The following ANKRD30A variants were observed in gnomAD, a reference collection of about 807,000 sequenced individuals.
ANKRD30A encodes ankyrin repeat domain 30A.
A neutral mutation model predicts 166.3 loss-of-function variants in ANKRD30A; 170 were observed. The ratio of observed to expected loss-of-function variants is 1.02; its 90% CI spans 0.90 to 1.16. ANKRD30A has a LOEUF of 1.16. Ranked by LOEUF, ANKRD30A falls within the 50% of genes most tolerant of loss-of-function variation. The probability of loss-of-function intolerance (pLI) is 0.00; values close to 1 mark genes in which losing one functional copy is unlikely to be tolerated. For synonymous variants in ANKRD30A, 564 were observed against 508.9 expected, an observed-to-expected ratio of 1.11 and a Z score of -1.46; for missense variants, 1,630 against 1,518.0, an observed-to-expected ratio of 1.07 and a Z score of -1.23.
intron 34 of ANKRD30A, among the ~76,000 whole-genome samples, chr10:37,229,170 T>C (rs1056462659): frequency 4.6e-5 from 7 of 151,988 alleles, no homozygotes; most frequent in Admixed American, 4.6e-4. Flanking sequence ...AAATGGAATA[T>C]GGTAAGAGGT....
chr10:37,147,863 TATAAA>T (rs958716066), intron 9 of ANKRD30A, among the ~76,000 whole-genome samples: 3 of 152,184 alleles, frequency 2.0e-5, no homozygotes, highest in African/African-American at 7.2e-5. Flanking sequence ...ATGGCAAGAA[TATAAA>T]ATGATCTTCC....
chr10:37,194,204 T>A (rs968304321), intron 27 of ANKRD30A, among the ~76,000 whole-genome samples: 2 of 151,938 alleles, frequency 1.3e-5, no homozygotes, highest in African/African-American at 4.8e-5. Context: ...AGCAAAGAAA[T>A]AAAAACACAA....
the ANKRD30A span, among the ~76,000 whole-genome samples, chr10:37,244,488 A>G: frequency 1.3e-5 from 2 of 152,234 alleles, no homozygotes; most frequent in Non-Finnish European, 2.9e-5. Context: ...TCCATGTTAG[A>G]ATGAAATGGC....
chr10:37,198,345 A>T (rs1258791544), intron 29 of ANKRD30A, among the ~76,000 whole-genome samples: 3 of 152,120 alleles, frequency 2.0e-5, no homozygotes, highest in South Asian at 2.1e-4. Flanking sequence ...GGACACAGTT[A>T]ACTGTGTTTT....
intron 7 of ANKRD30A, among the ~76,000 whole-genome samples, chr10:37,142,633 G>A (rs1193523894): frequency 7.5e-6 from 1 of 133,458 alleles, no homozygotes; most frequent in Non-Finnish European, 1.5e-5. Context: ...CCCCTGGGCT[G>A]GAGTGCAATG....
intron 11 of ANKRD30A, 94 bp downstream of exon 11, chr10:37,149,943 T>G: frequency 2.0e-6 from 3 of 1,521,604 alleles, no homozygotes. Flanking sequence ...TTTTTCAACT[T>G]TGATGAAAAC....
chr10:37,151,124 G>T (rs559308356), intron 11 of ANKRD30A, among the ~76,000 whole-genome samples: 41 of 151,744 alleles, frequency 2.7e-4, no homozygotes, highest in Middle Eastern at 3.4e-3. Context: ...TGTCAAATGA[G>T]AAACGTATGC....
At chr10:37,224,459 TAC>T (rs199996652) in intron 34 of ANKRD30A, among the ~76,000 whole-genome samples, 22 of 149,822 alleles carry the variant, frequency 1.5e-4, no homozygotes, top group South Asian at 6.3e-4. Flanking sequence ...TTGTTTTTGA[TAC>T]ACACACACAC....
chr10:37,215,039 G>A (rs1842533442), intron 31 of ANKRD30A, among the ~76,000 whole-genome samples: 1 of 151,484 alleles, frequency 6.6e-6, no homozygotes, highest in Non-Finnish European at 1.5e-5. Context: ...CTCCGGCATT[G>A]TAACTTGTAT....
At chr10:37,137,928 T>C (rs1440272319) in intron 6 of ANKRD30A, among the ~76,000 whole-genome samples, 1 of 152,130 alleles carries the variant, frequency 6.6e-6, no homozygotes, top group Non-Finnish European at 1.5e-5. Flanking sequence ...ACAGACTGCC[T>C]CCTCAAGTGG....
At chr10:37,157,396 C>G (rs532753897) in intron 13 of ANKRD30A, among the ~76,000 whole-genome samples, 1 of 152,248 alleles carries the variant, frequency 6.6e-6, no homozygotes, top group Non-Finnish European at 1.5e-5. Context: ...GATGTTTTCT[C>G]GCTCTGTCAT....
chr10:37,152,130 T>A lies in ANKRD30A; in HGVS notation c.1707+9T>A. 6.3e-7 allele frequency: 1 copy of A among 1,595,378 alleles called. No homozygotes were observed. Among genetic ancestry groups the A allele is most frequent in the African/African-American group, 1.3e-5 (1 of 74,458 alleles). On this transcript the variant is annotated intron_variant, in intron 12 of 35. Transcript: ENST00000361713. Reference sequence around the variant, plus strand: ...ATTCTTGGGATTCTGAGGTACTATGTGTTATTGATTTTTTTTTAATATTAG... The same window carrying A: ...ATTCTTGGGATTCTGAGGTACTATGAGTTATTGATTTTTTTTTAATATTAG...
intron 15 of ANKRD30A, 95 bp downstream of exon 15, chr10:37,158,681 C>A (rs1286119152): frequency 1.3e-6 from 2 of 1,522,118 alleles, no homozygotes; most frequent in African/African-American, 1.4e-5. Context: ...GTTTTCTATT[C>A]AAAATTTGAT....
At chr10:37,190,006 A>G (rs1588881365) in intron 25 of ANKRD30A, among the ~76,000 whole-genome samples, 3 of 152,040 alleles carry the variant, frequency 2.0e-5, no homozygotes, top group East Asian at 3.9e-4. Context: ...CCAGAGAATT[A>G]CAGCAAAAAT....
chr10:37,151,933 C>T (rs186358541), intron 11 of ANKRD30A, 127 bp from the exon 12 acceptor site: 1 of 780,880 alleles, frequency 1.3e-6, no homozygotes, highest in South Asian at 2.1e-5. Flanking sequence ...TTGTAATCGA[C>T]AAAAAGAATA....
the ANKRD30A span, chr10:37,264,471 C>G: frequency 9.3e-6 from 2 of 214,758 alleles, no homozygotes; most frequent in Non-Finnish European, 1.9e-5. Flanking sequence ...GGGTGGAGTT[C>G]GGGTGAATCT....
intron 34 of ANKRD30A, among the ~76,000 whole-genome samples, chr10:37,225,280 TGAGA>T (rs1262777245): frequency 1.3e-5 from 2 of 151,698 alleles, no homozygotes; most frequent in East Asian, 3.9e-4. Context: ...TCGAAACCAA[TGAGA>T]GAGGGTCATA....
intron 33 of ANKRD30A, among the ~76,000 whole-genome samples, chr10:37,218,640 C>A (rs907723859): frequency 7.3e-5 from 11 of 150,606 alleles, no homozygotes; most frequent in African/African-American, 2.7e-4. Flanking sequence ...GAGTGTAAAC[C>A]CAATTTTCGT....
At chr10:37,155,016 G>A (rs1235046149) in intron 13 of ANKRD30A, among the ~76,000 whole-genome samples, 1 of 152,128 alleles carries the variant, frequency 6.6e-6, no homozygotes, top group African/African-American at 2.4e-5. Context: ...GAAGCAAATT[G>A]TGTTGGTAAA....
Sources: gnomAD v4.1 joint callset for allele counts (sites outside exome capture counted in the v4.1 genomes callset) on GRCh38, gnomAD v4.1.1 for gene constraint, MANE v1.5 for transcripts, NCBI Gene and HGNC (gene_info 2026-07-23, HGNC 2026-07-21) for gene names.